Variants in TADA2A observed in about 807,000 individuals in gnomAD.
TADA2A encodes the protein transcriptional adapter 2-alpha.
A neutral mutation model predicts 67.4 loss-of-function variants in TADA2A; 38 were observed. The observed-to-expected ratio is 0.56, with a 90% confidence interval of 0.44 to 0.74. The LOEUF (loss-of-function observed/expected upper bound fraction) is 0.74, where lower values mean the gene tolerates loss of function less well. TADA2A is among the 30% of genes least tolerant of loss of function. The probability of loss-of-function intolerance (pLI) is 0.00; values close to 1 mark genes in which losing one functional copy is unlikely to be tolerated. For missense variants in TADA2A, 454 were observed against 547.0 expected, an observed-to-expected ratio of 0.83 and a Z score of 1.70; for synonymous variants, 192 against 181.6, an observed-to-expected ratio of 1.06 and a Z score of -0.46.
intron 8 of TADA2A, among the ~76,000 whole-genome samples, chr17:37,445,532 C>G (rs1178290155): frequency 6.6e-6 from 1 of 152,230 alleles, no homozygotes; most frequent in Non-Finnish European, 1.5e-5. Context: ...TCCCAAAGTG[C>G]TGGGATTACA....
intron 15 of TADA2A, among the ~76,000 whole-genome samples, 169 bp from the exon 16 acceptor site, chr17:37,476,628 T>A (rs151029001): frequency 6.6e-6 from 1 of 152,106 alleles, no homozygotes; most frequent in Non-Finnish European, 1.5e-5. Flanking sequence ...CCTTAGGGAG[T>A]GTTCTCTCCA....
At position 37,476,831 on chromosome 17, in the gene TADA2A, A is replaced by G; in HGVS notation, c.1181A>G (p.Tyr394Cys). Residue 394 changes from tyrosine (Y) to cysteine (C), a missense_variant, in exon 16 of 16, where the codon TAT becomes TGT. Coordinates refer to ENST00000615182, the MANE Select transcript of TADA2A (RefSeq NM_001166105.3). ...ATGGTGAGGTTGGTCCCTGGAGCCT[A>G]TTTAGAATACAAATCTGCTCTATTG... is the stretch of plus-strand genomic sequence containing the variant. ...CQMVRLVPGAYLEYKSALLNE... is the reference protein window; with the variant it reads ...CQMVRLVPGACLEYKSALLNE... 1 of 1,614,006 alleles carries G rather than the reference A, an allele frequency of 6.2e-7. No homozygotes were observed. Among genetic ancestry groups the G allele is most frequent in the Non-Finnish European group, 8.5e-7 (1 of 1,179,878 alleles).
intron 5 of TADA2A, among the ~76,000 whole-genome samples, chr17:37,440,195 C>T (rs2052870739): frequency 6.6e-6 from 1 of 152,078 alleles, no homozygotes; most frequent in Non-Finnish European, 1.5e-5. Flanking sequence ...GATCCACCTA[C>T]CTCCCAAAGT....
intron 6 of TADA2A, among the ~76,000 whole-genome samples, chr17:37,442,287 G>A (rs1054935212): frequency 6.8e-6 from 1 of 147,264 alleles, no homozygotes; most frequent in African/African-American, 2.5e-5. Flanking sequence ...CGAAGCCAAC[G>A]GTAAATATTT....
intron 6 of TADA2A, among the ~76,000 whole-genome samples, chr17:37,440,903 T>C (rs895994577): frequency 3.5e-4 from 53 of 152,188 alleles, no homozygotes; most frequent in African/African-American, 1.2e-3. Flanking sequence ...AAGACCAGCC[T>C]GGCCAACATG....
intron 8 of TADA2A, among the ~76,000 whole-genome samples, chr17:37,455,087 TAAAAC>T (rs1033569454): frequency 3.3e-5 from 5 of 152,280 alleles, no homozygotes; most frequent in African/African-American, 7.2e-5. Flanking sequence ...ATTCAGTAAT[TAAAAC>T]AAAAAACACC....
rs527846643 is a variant in TADA2A, at chr17:37,420,288, A to G, written c.26-3221A>G. Among the ~76,000 whole-genome samples, 17 of 146,904 alleles carry G rather than the reference A, an allele frequency of 1.2e-4. 1 individual carries two copies. The highest frequency in any genetic ancestry group is 4.2e-4 in the African/African-American group (17 of 40,660). On this transcript the variant is annotated intron_variant, in intron 2 of 15. Coordinates refer to ENST00000615182, the MANE Select transcript of TADA2A (RefSeq NM_001166105.3). ...AACATAGCAAGATTTGTTCTTCTGC[A>G]TTAAAATTTAAAATGGGGGAAATGG...
chr17:37,434,117 A>G (rs980402365), intron 4 of TADA2A, among the ~76,000 whole-genome samples: 2 of 152,226 alleles, frequency 1.3e-5, no homozygotes, highest in Non-Finnish European at 1.5e-5. Flanking sequence ...TCTCCAATCT[A>G]TGACAGTTTC....
intron 8 of TADA2A, among the ~76,000 whole-genome samples, chr17:37,456,382 A>G (rs1441108134): frequency 6.6e-6 from 1 of 152,220 alleles, no homozygotes; most frequent in African/African-American, 2.4e-5. Flanking sequence ...GAGTTACAGT[A>G]AGGCAAGAAT....
chr17:37,452,036 C>T (rs1281948926), intron 8 of TADA2A, among the ~76,000 whole-genome samples: 1 of 152,080 alleles, frequency 6.6e-6, no homozygotes, highest in East Asian at 1.9e-4. Context: ...AGTAATTTTA[C>T]TGGCTCTTCA....
intron 9 of TADA2A, among the ~76,000 whole-genome samples, chr17:37,458,922 C>T (rs2053475463): frequency 1.3e-5 from 2 of 152,158 alleles, no homozygotes; most frequent in South Asian, 4.2e-4. Flanking sequence ...AAGTGATCCT[C>T]CCTCCTCAGC....
intron 2 of TADA2A, among the ~76,000 whole-genome samples, chr17:37,415,826 A>T: frequency 7.0e-6 from 1 of 143,746 alleles, no homozygotes; most frequent in East Asian, 2.3e-4. Context: ...GTGAGCCAAG[A>T]TTGTGCCACT....
chr17:37,431,494 C>T (rs567536967), intron 4 of TADA2A, among the ~76,000 whole-genome samples: 1 of 152,190 alleles, frequency 6.6e-6, no homozygotes, highest in East Asian at 1.9e-4. Flanking sequence ...AATAAATTTC[C>T]GTTTACCCAT....
intron 5 of TADA2A, among the ~76,000 whole-genome samples, chr17:37,438,517 G>T (rs951609743): frequency 6.6e-6 from 1 of 152,146 alleles, no homozygotes; most frequent in African/African-American, 2.4e-5. Context: ...ATTACTGAAG[G>T]ACTCTTAATT....
At position 37,437,864 on chromosome 17, in the gene TADA2A, G is replaced by A. The variant is rs1164566597; in HGVS notation, c.284+35G>A. ...TGGTGTTAAGAGTTGTCCTGCCCTA[G>A]TGGACTCAGAGAAGAAGCTGTTGTT... is the stretch of plus-strand genomic sequence containing the variant. On this transcript the variant is annotated intron_variant, in intron 5 of 15. Coordinates refer to ENST00000615182, the MANE Select transcript of TADA2A (RefSeq NM_001166105.3). The A allele has an allele frequency of 3.2e-6, 5 of 1,574,488 alleles. No individual in the cohort carries two copies. In the South Asian group the frequency reaches 5.5e-5, roughly 17 times the overall value.
chr17:37,443,064 A>T (rs1042498892), intron 7 of TADA2A, among the ~76,000 whole-genome samples: 4 of 152,038 alleles, frequency 2.6e-5, no homozygotes, highest in Non-Finnish European at 4.4e-5. Context: ...TGGCAGGCTG[A>T]TATGGGAGGA....
intron 3 of TADA2A, among the ~76,000 whole-genome samples, chr17:37,425,082 T>C (rs2052365386): frequency 6.6e-6 from 1 of 151,690 alleles, no homozygotes; most frequent in South Asian, 2.1e-4. Flanking sequence ...GGTTTTCTCA[T>C]GTTGGCCATG....
chr17:37,461,591 C>T (rs943102707), intron 9 of TADA2A, among the ~76,000 whole-genome samples: 2 of 152,156 alleles, frequency 1.3e-5, no homozygotes, highest in African/African-American at 2.4e-5. Flanking sequence ...TTATAATGCC[C>T]TTTCATTAAA....
chr17:37,424,693 A>T (rs2052350534), intron 3 of TADA2A, among the ~76,000 whole-genome samples: 2 of 151,502 alleles, frequency 1.3e-5, no homozygotes, highest in Admixed American at 1.3e-4. Flanking sequence ...AGTAGCTGGG[A>T]TTACAGGCAT....
Sources: allele counts gnomAD v4.1 joint callset (sites outside exome capture counted in the v4.1 genomes callset), GRCh38; gene constraint gnomAD v4.1.1; transcripts MANE v1.5; gene names NCBI Gene and HGNC (gene_info 2026-07-23, HGNC 2026-07-21).